Variants in HS2ST1 observed in about 807,000 individuals in gnomAD.
HS2ST1 encodes the protein 2-O-sulfotransferase.
In HS2ST1, 18 loss-of-function variants were observed where a neutral mutation model predicts 42.9. The ratio of observed to expected loss-of-function variants is 0.42; its 90% CI spans 0.29 to 0.62. The LOEUF (loss-of-function observed/expected upper bound fraction) is 0.62, where lower values mean the gene tolerates loss of function less well. HS2ST1 is among the 20% of genes least tolerant of loss of function. The pLI is 0.21. For missense variants in HS2ST1, 334 were observed against 433.8 expected (o/e 0.77, Z 2.04); for synonymous variants, 146 against 152.9 (o/e 0.95, Z 0.33).
At chr1:87,076,536 A>G (rs1463873036) in intron 2 of HS2ST1, among the ~76,000 whole-genome samples, 1 of 152,188 alleles carries the variant, frequency 6.6e-6, no homozygotes, top group Admixed American at 6.5e-5. Flanking sequence ...TGAAAAGTTA[A>G]AAGAAGGATA....
At chr1:87,036,506 A>G (rs534300080) in intron 1 of HS2ST1, among the ~76,000 whole-genome samples, 5 of 152,282 alleles carry the variant, frequency 3.3e-5, no homozygotes, top group African/African-American at 9.6e-5. Flanking sequence ...AATTGGAGGG[A>G]GGATATTCCA....
chr1:87,052,400 G>C (rs546328061), intron 1 of HS2ST1, among the ~76,000 whole-genome samples: 5 of 152,146 alleles, frequency 3.3e-5, no homozygotes, highest in African/African-American at 1.2e-4. Context: ...GTTCCTAGAT[G>C]AATATCTTTA....
At chr1:86,943,971 G>A (rs1342269295) in intron 1 of HS2ST1, among the ~76,000 whole-genome samples, 2 of 151,830 alleles carry the variant, frequency 1.3e-5, no homozygotes, top group Non-Finnish European at 2.9e-5. Flanking sequence ...GGTTTGCAGT[G>A]AGCCAAGACT....
chr1:87,040,083 C>T (rs1241599961), intron 1 of HS2ST1, among the ~76,000 whole-genome samples: 2 of 152,032 alleles, frequency 1.3e-5, no homozygotes, highest in African/African-American at 4.8e-5. Context: ...GGAAAACAAG[C>T]AGATTTCTTT....
At position 86,922,167 on chromosome 1, in the gene HS2ST1, TTG is replaced by T. The variant is rs1373401165; in HGVS notation, c.124+7009_124+7010del. On this transcript the variant is annotated intron_variant, in intron 1 of 6. Transcript: ENST00000370550. ...GACTTACTAGCAGTGCTCTTTGTTG[TTG>T]TTTTTTTTTTAAGTGGTTGCTTAAG... is the stretch of plus-strand genomic sequence containing the variant. Among the ~76,000 whole-genome samples the T allele has an allele frequency of 9.9e-4, 129 of 130,344 alleles. 1 individual carries two copies. The highest frequency in any genetic ancestry group is 7.2e-3 in the Middle Eastern group (2 of 278). The allele number at this position is 130,344 out of a possible 152,430, so 85.5% of individuals were successfully genotyped here.
chr1:86,956,246 T>C (rs1433437675), intron 1 of HS2ST1, among the ~76,000 whole-genome samples: 4 of 152,202 alleles, frequency 2.6e-5, no homozygotes, highest in Non-Finnish European at 4.4e-5. Context: ...TGACTCCTTT[T>C]CTGAAAATTC....
chr1:87,082,657 T>G (rs1476715450), intron 2 of HS2ST1, among the ~76,000 whole-genome samples: 1 of 152,198 alleles, frequency 6.6e-6, no homozygotes, highest in Non-Finnish European at 1.5e-5. Context: ...TAAGTGGCAG[T>G]TATAAAGACT....
intron 1 of HS2ST1, among the ~76,000 whole-genome samples, chr1:87,059,563 C>A (rs1159054195): frequency 6.6e-6 from 1 of 152,126 alleles, no homozygotes; most frequent in African/African-American, 2.4e-5. Context: ...TTGGACTCCC[C>A]ATTTTGTATC....
intron 1 of HS2ST1, among the ~76,000 whole-genome samples, chr1:86,996,963 C>CAT (rs71725249): frequency 0.014 from 2,114 of 151,298 alleles, 45 homozygotes; most frequent in African/African-American, 0.048. Context: ...AACGTTAGGC[C>CAT]ATATATATAT....
chr1:86,968,702 G>T (rs771829993), intron 1 of HS2ST1, among the ~76,000 whole-genome samples: 18 of 152,036 alleles, frequency 1.2e-4, no homozygotes, highest in Non-Finnish European at 2.2e-4. Context: ...AGCACACCCA[G>T]CCTCCAGTCC....
chr1:87,012,276 G>A (rs1649618585), intron 1 of HS2ST1, among the ~76,000 whole-genome samples: 1 of 152,142 alleles, frequency 6.6e-6, no homozygotes, highest in South Asian at 2.1e-4. Flanking sequence ...AAAGGAAAGA[G>A]GTTTAATGAA....
intron 2 of HS2ST1, among the ~76,000 whole-genome samples, chr1:87,080,583 A>G (rs988425700): frequency 2.0e-5 from 3 of 152,202 alleles, no homozygotes; most frequent in Non-Finnish European, 4.4e-5. Flanking sequence ...AACTATCCAC[A>G]CAAAAAAGCA....
chr1:87,085,099 T>C (rs907902676), intron 3 of HS2ST1, among the ~76,000 whole-genome samples: 1 of 152,244 alleles, frequency 6.6e-6, no homozygotes, highest in African/African-American at 2.4e-5. Flanking sequence ...GTCTTATGGA[T>C]ACATTTGAAC....
At chr1:86,981,150 A>G (rs1345939830) in intron 1 of HS2ST1, among the ~76,000 whole-genome samples, 2 of 152,168 alleles carry the variant, frequency 1.3e-5, no homozygotes, top group Admixed American at 6.5e-5. Context: ...AGAACTCACT[A>G]TCACGAGAAC....
chr1:86,984,642 T>C (rs1427046711), intron 1 of HS2ST1, among the ~76,000 whole-genome samples: 2 of 152,112 alleles, frequency 1.3e-5, no homozygotes, highest in African/African-American at 2.4e-5. Flanking sequence ...CCCAGCACTT[T>C]GGGAGGCCAG....
intron 1 of HS2ST1, among the ~76,000 whole-genome samples, chr1:87,004,239 A>G (rs1167126538): frequency 6.6e-6 from 1 of 152,076 alleles, no homozygotes; most frequent in Non-Finnish European, 1.5e-5. Flanking sequence ...ACAAGTAGAA[A>G]AATTAGGTGG....
rs201877912 is a variant in HS2ST1 at position 86,916,772 on chromosome 1, CCT to C, written c.124+1615_124+1616del. Among the ~76,000 whole-genome samples the C allele has an allele frequency of 4.6e-3, 693 of 152,196 alleles. 4 individuals are homozygous for C. Among genetic ancestry groups the C allele is most frequent in the Middle Eastern group, 0.02 (6 of 294 alleles). On this transcript the variant is annotated intron_variant, in intron 1 of 6. Coordinates refer to ENST00000370550, the MANE Select transcript of HS2ST1 (RefSeq NM_012262.4). Reference sequence around the variant, plus strand: ...ATCCAGCTCTACAGAAAAAAAGACTCCTCTTGAAGTGGAAAGTTATATTAAAA... The same window carrying C: ...ATCCAGCTCTACAGAAAAAAAGACTCCTTGAAGTGGAAAGTTATATTAAAA...
intron 1 of HS2ST1, among the ~76,000 whole-genome samples, chr1:86,976,012 G>A (rs1648389465): frequency 6.6e-6 from 1 of 152,048 alleles, no homozygotes; most frequent in Non-Finnish European, 1.5e-5. Context: ...GGTATTTTTT[G>A]TCCTAATTAT....
At chr1:86,943,560 A>G (rs1647227427) in intron 1 of HS2ST1, among the ~76,000 whole-genome samples, 1 of 151,832 alleles carries the variant, frequency 6.6e-6, no homozygotes, top group African/African-American at 2.4e-5. Flanking sequence ...TGTCTCTACA[A>G]AAAGTACAAA....
Sources: allele counts gnomAD v4.1 joint callset (sites outside exome capture counted in the v4.1 genomes callset), GRCh38; gene constraint gnomAD v4.1.1; transcripts MANE v1.5; gene names NCBI Gene and HGNC (gene_info 2026-07-23, HGNC 2026-07-21).